FAM78B: variants seen among roughly 807,000 people sequenced by gnomAD.
The protein encoded by FAM78B is protein FAM78B.
Under a neutral mutation model 20.0 loss-of-function variants are expected in FAM78B, and 10 were observed. That is an observed-to-expected ratio of 0.50 (90% CI 0.31 to 0.85). The LOEUF (loss-of-function observed/expected upper bound fraction) is 0.85. Among genes scored for constraint, FAM78B ranks in the 40% least tolerant of loss-of-function variants. The probability of loss-of-function intolerance (pLI) is 0.05; values close to 1 mark genes in which losing one functional copy is unlikely to be tolerated. For missense variants in FAM78B, 283 were observed against 345.0 expected, an observed-to-expected ratio of 0.82 and a Z score of 1.42; for synonymous variants, 135 against 132.8, an observed-to-expected ratio of 1.02 and a Z score of -0.12.
chr1:166,070,682 G>C lies in FAM78B; in HGVS notation c.345C>G (p.Tyr115Ter). The C allele has an allele frequency of 1.9e-6, 3 of 1,613,138 alleles. No homozygotes were observed. Among genetic ancestry groups the C allele is most frequent in the Non-Finnish European group, 2.5e-6 (3 of 1,179,744 alleles). The change falls in exon 2 of 2, where the codon TAC (tyrosine) becomes TAG (stop). Residue 115 changes from tyrosine (Y) to a stop codon, truncating the protein, a stop_gained. Transcript: ENST00000354422. LOFTEE classifies it high-confidence loss of function. ...GGGTCACAGTTTCTGTGGTGTTCCCGTACCAAGGGTAGCTCACCCCATCTG... is the reference window on the plus strand; with the variant it reads ...GGGTCACAGTTTCTGTGGTGTTCCCCTACCAAGGGTAGCTCACCCCATCTG... ...SDSDGVSYPW[Y>*]GNTTETVTLV... is the part of the protein sequence containing the mutation.
At chr1:166,056,108 C>T (rs763807525), downstream of FAM78B, among the ~76,000 whole-genome samples, 5 of 152,148 alleles carry the variant, frequency 3.3e-5, no homozygotes, top group South Asian at 2.1e-4. Context: ...AGGGTAGAGG[C>T]GTCTTAGTTA....
rs147945820 is a variant in FAM78B at position 166,151,228 on chromosome 1, C to T, written c.263+14758G>A. ...CTCAATGAAGACAATCTGACTGTCTCGTCCACTTCTTTCTCTCTGGTTACT... is the reference window on the plus strand; with the variant it reads ...CTCAATGAAGACAATCTGACTGTCTTGTCCACTTCTTTCTCTCTGGTTACT... On this transcript the variant is annotated intron_variant, in intron 1 of 1. Transcript: ENST00000354422. 5.4e-4 allele frequency among the ~76,000 whole-genome samples: 82 copies of T among 152,300 alleles called. 1 individual carries two copies. The highest frequency in any genetic ancestry group is 1.0e-3 in the African/African-American group (42 of 41,570).
chr1:166,098,422 A>C (rs1369054271), intron 1 of FAM78B, among the ~76,000 whole-genome samples: 1 of 152,174 alleles, frequency 6.6e-6, no homozygotes, highest in East Asian at 1.9e-4. Flanking sequence ...AGAATTCAGA[A>C]GGTTAGTTAT....
At position 166,131,239 on chromosome 1, in the gene FAM78B, G is replaced by A. The variant is rs111745763; in HGVS notation, c.263+34747C>T. Among the ~76,000 whole-genome samples the A allele has an allele frequency of 8.1e-3, 1,235 of 152,114 alleles. 16 individuals carry two copies. The highest frequency in any genetic ancestry group is 0.029 in the African/African-American group (1,192 of 41,482). ...ACTCCTGACCCCAAGTGATCTGCCC[G>A]CCTCAGCCTCCCAAAGCACTGGGAT... is the stretch of plus-strand genomic sequence containing the variant. On this transcript the variant is annotated intron_variant, in intron 1 of 1. Transcript: ENST00000354422.
intron 1 of FAM78B, among the ~76,000 whole-genome samples, chr1:166,161,667 A>G (rs1656152461): frequency 6.6e-6 from 1 of 152,066 alleles, no homozygotes; most frequent in Non-Finnish European, 1.5e-5. Context: ...TATTCTGGAG[A>G]TGGGATCAGT....
intron 1 of FAM78B, among the ~76,000 whole-genome samples, chr1:166,152,691 TATTTATTG>T (rs1312628294): frequency 2.7e-5 from 4 of 148,154 alleles, no homozygotes; most frequent in Non-Finnish European, 5.9e-5. Context: ...TTTATTTATT[TATTTATTG>T]ATGGAATCTC....
Position 166,109,886 on chromosome 1 carries a change from A to ATG in FAM78B, c.264-39124_264-39123insCA, listed in dbSNP as rs1434767398. On this transcript the variant is annotated intron_variant, in intron 1 of 1. Transcript: ENST00000354422. ...TGTATGTGTATATATATATATGTAT[A>ATG]TATGTATATATATATATATATATAT... Among the ~76,000 whole-genome samples the ATG allele has an allele frequency of 1.6e-4, 3 of 18,542 alleles. 1 individual carries two copies. The highest frequency in any genetic ancestry group is 7.6e-4 in the Admixed American group (1 of 1,320). The allele number at this position is 18,542 out of a possible 152,430, so 12.2% of individuals were successfully genotyped here. A position where few individuals can be genotyped will look rare whatever the true frequency, so the allele number is the denominator to read the frequency against.
At position 166,165,994 on chromosome 1, in the gene FAM78B, G is replaced by C; in HGVS notation, c.255C>G (p.Asp85Glu). 3 of 1,613,712 alleles carry C rather than the reference G, an allele frequency of 1.9e-6. No individual in the cohort carries two copies. The highest frequency in any genetic ancestry group is 1.3e-5 in the African/African-American group (1 of 74,998). ...CGCGGCGAGTCGCTTACATGCCCAG[G>C]TCGCTGTAGGTGTTGAAGAACTCCA... ...NQMEFFNTYSDLGMSSWELPD... is the reference protein window; with the variant it reads ...NQMEFFNTYSELGMSSWELPD... Residue 85 changes from aspartate (D) to glutamate (E), a missense_variant, in exon 1 of 2, where the codon GAC (aspartate) becomes GAG (glutamate). Transcript: ENST00000354422.
intron 1 of FAM78B, among the ~76,000 whole-genome samples, chr1:166,076,360 G>A (rs1452081253): frequency 1.3e-5 from 2 of 152,014 alleles, no homozygotes; most frequent in South Asian, 2.1e-4. Context: ...ACTCCCACCT[G>A]AGGGCCTTTG....
intron 1 of FAM78B, among the ~76,000 whole-genome samples, chr1:166,155,335 A>C (rs1044111221): frequency 6.6e-6 from 1 of 152,216 alleles, no homozygotes; most frequent in Non-Finnish European, 1.5e-5. Context: ...GGCACTACTT[A>C]GCTGAGTAAT....
chr1:166,122,305 G>C (rs941850870), intron 1 of FAM78B, among the ~76,000 whole-genome samples: 1 of 152,128 alleles, frequency 6.6e-6, no homozygotes, highest in Non-Finnish European at 1.5e-5. Flanking sequence ...AAACACCCCA[G>C]ATGAGTAGGG....
intron 1 of FAM78B, among the ~76,000 whole-genome samples, chr1:166,104,547 T>G (rs1252241281): frequency 6.6e-6 from 1 of 151,266 alleles, no homozygotes; most frequent in Non-Finnish European, 1.5e-5. Context: ...ACAAGCATTC[T>G]TATACACCAA....
At chr1:166,096,164 C>A (rs75716236) in intron 1 of FAM78B, among the ~76,000 whole-genome samples, 1 of 152,198 alleles carries the variant, frequency 6.6e-6, no homozygotes, top group African/African-American at 2.4e-5. Flanking sequence ...AGTCGTCCCA[C>A]GAACCTCTGC....
intron 1 of FAM78B, among the ~76,000 whole-genome samples, chr1:166,141,717 A>C (rs1655285156): frequency 1.3e-5 from 2 of 152,216 alleles, no homozygotes. Context: ...CTGATAGATA[A>C]GTGGCAGTTA....
chr1:166,142,181 C>T (rs923769594), intron 1 of FAM78B, among the ~76,000 whole-genome samples: 4 of 152,186 alleles, frequency 2.6e-5, no homozygotes, highest in African/African-American at 9.7e-5. Context: ...GGACATTATG[C>T]AATGGAAAAC....
At position 166,166,122 on chromosome 1, in the gene FAM78B, G is replaced by A. The variant is rs748127757; in HGVS notation, c.127C>T (p.Arg43Cys). 4.3e-6 allele frequency: 7 copies of A among 1,611,128 alleles called. No individual in the cohort carries two copies. The Admixed American group carries it at 1.2e-4, about 27-fold the overall frequency. The stretch of plus-strand genomic sequence containing the variant: ...GCTTTGAAGTAGGGGGTCTTGTAGC[G>A]CAGGACGATGGGCGAGGTCTCCTCG... ...RIEETSPIVLRYKTPYFKASA... is the reference protein window; with the variant it reads ...RIEETSPIVLCYKTPYFKASA... Residue 43 changes from arginine (R) to cysteine (C), a missense_variant, in exon 1 of 2, where the codon CGC (arginine) becomes TGC (cysteine). Arg to Cys is a radical substitution (Grantham distance 180, BLOSUM62 -3). Transcript: ENST00000354422.
At chr1:166,148,117 C>G (rs1467565217) in intron 1 of FAM78B, among the ~76,000 whole-genome samples, 1 of 152,186 alleles carries the variant, frequency 6.6e-6, no homozygotes, top group Non-Finnish European at 1.5e-5. Context: ...CATGTAGAAA[C>G]AGATGAATGC....
chr1:166,070,851 G>C (rs1482483476), intron 1 of FAM78B, 88 bp from the exon 2 acceptor site: 4 of 1,393,324 alleles, frequency 2.9e-6, no homozygotes, highest in Non-Finnish European at 3.8e-6. Flanking sequence ...TACTAACATA[G>C]TCAACTTGGG....
In FAM78B at chr1:166,084,205, C is replaced by CCACACACACACACACA. The variant is rs374157991; in HGVS notation, c.264-13458_264-13443dup. On this transcript the variant is annotated intron_variant, in intron 1 of 1. Coordinates refer to ENST00000354422, the MANE Select transcript of FAM78B (RefSeq NM_001017961.5). ...GTGGATAACACAGAGGATGTAGAAA[C>CCACACACACACACACA]CACACACACACACACACACACACAC... 1.2e-3 allele frequency among the ~76,000 whole-genome samples: 143 copies of CCACACACACACACACA among 121,142 alleles called. 1 individual carries two copies. The East Asian group carries it at 0.018, about 15-fold the overall frequency. 79.5% of individuals were successfully genotyped at this position (121,142 alleles called of 152,430 possible). A position where few individuals can be genotyped will look rare whatever the true frequency, so the allele number is the denominator to read the frequency against.
Sources: allele counts gnomAD v4.1 joint callset (sites outside exome capture counted in the v4.1 genomes callset), GRCh38; gene constraint gnomAD v4.1.1; transcripts MANE v1.5; gene names NCBI Gene and HGNC (gene_info 2026-07-23, HGNC 2026-07-21).